TRPM1: variants seen among roughly 807,000 people sequenced by gnomAD.
TRPM1 encodes the protein TRPM1-203 APA Isoform, Intron 10.
TRPM1 carries 113 observed loss-of-function variants against 149.4 expected under a neutral mutation model. The ratio of observed to expected loss-of-function variants is 0.76; its 90% CI spans 0.65 to 0.88. TRPM1 has a LOEUF of 0.88. Ranked by LOEUF, TRPM1 falls within the 40% of genes least tolerant of loss-of-function variation. The pLI is 0.00. For missense variants in TRPM1, 1,976 were observed against 2,038.7 expected, an observed-to-expected ratio of 0.97 and a Z score of 0.59; for synonymous variants, 741 against 759.5, an observed-to-expected ratio of 0.98 and a Z score of 0.40.
chr15:31,106,382 C>T (rs531478765), upstream of TRPM1, among the ~76,000 whole-genome samples: 217 of 152,138 alleles, frequency 1.4e-3, 1 homozygote, highest in African/African-American at 5.0e-3. Context: ...GTGATCCACC[C>T]GCCTCGGCTG....
chr15:31,051,874 G>C (rs532954924), intron 11 of TRPM1, among the ~76,000 whole-genome samples: 2 of 152,260 alleles, frequency 1.3e-5, no homozygotes, highest in East Asian at 1.9e-4. Flanking sequence ...TCCTCTTCCA[G>C]GGTCCCTTAT....
chr15:31,066,251 A>T lies in TRPM1; in HGVS notation c.619-4T>A. The T allele has an allele frequency of 6.2e-7, 1 of 1,614,194 alleles. No individual in the cohort carries two copies. Among genetic ancestry groups the T allele is most frequent in the East Asian group, 2.2e-5 (1 of 44,888 alleles). Reference sequence around the variant, plus strand: ...TGGTCTGGTACACTCTTGTTACCTGACAAAGTGCACAGCGCAAATCAGACC... The same window carrying T: ...TGGTCTGGTACACTCTTGTTACCTGTCAAAGTGCACAGCGCAAATCAGACC... On this transcript the variant is annotated splice_region_variant and splice_polypyrimidine_tract_variant and intron_variant, in intron 6 of 27. Transcript: ENST00000256552.
intron 27 of TRPM1, 67 bp downstream of exon 27, chr15:31,026,066 TCCCCCA>T: frequency 1.9e-6 from 3 of 1,578,036 alleles, no homozygotes; most frequent in Non-Finnish European, 2.6e-6. Flanking sequence ...AACTCTGGCA[TCCCCCA>T]TAGAGTGGGG....
At chr15:31,064,431 C>G (rs1454815485) in intron 7 of TRPM1, among the ~76,000 whole-genome samples, 3 of 152,102 alleles carry the variant, frequency 2.0e-5, no homozygotes, top group Non-Finnish European at 4.4e-5. Context: ...CTCTGGGAAG[C>G]AAGAGGTGGC....
intron 27 of TRPM1, among the ~76,000 whole-genome samples, chr15:31,021,969 G>A (rs769923379): frequency 6.6e-6 from 1 of 152,006 alleles, no homozygotes; most frequent in Non-Finnish European, 1.5e-5. Context: ...AAGAGGCAAC[G>A]TACCCCACAT....
chr15:31,015,137 GT>G (rs1177991231), intron 27 of TRPM1, among the ~76,000 whole-genome samples: 1 of 121,580 alleles, frequency 8.2e-6, no homozygotes, highest in Non-Finnish European at 1.7e-5. Context: ...GCTGGGCACG[GT>G]GGCTCACGCC....
chr15:31,032,503 T>C (rs1175895590), intron 22 of TRPM1, among the ~76,000 whole-genome samples, 186 bp downstream of exon 22: 5 of 152,190 alleles, frequency 3.3e-5, no homozygotes, highest in Admixed American at 2.0e-4. Flanking sequence ...TGTTTTTCTA[T>C]TGGATTTTAT....
In TRPM1 at chr15:31,107,802, T is replaced by C. The variant is rs1437848325; in HGVS notation, c.55-30818A>G. Among the ~76,000 whole-genome samples the C allele has an allele frequency of 3.3e-5, 5 of 152,100 alleles. 1 individual carries two copies. The highest frequency in any genetic ancestry group is 7.4e-5 in the Non-Finnish European group (5 of 68,014). On this transcript the variant is annotated intron_variant, in intron 1 of 26. Transcript: ENST00000542188. Reference sequence around the variant, plus strand: ...CTTGTGACTTTTTTAGCCCACTGGTTACTTAGAAGTATGTAATTTAATGTC... The same window carrying C: ...CTTGTGACTTTTTTAGCCCACTGGTCACTTAGAAGTATGTAATTTAATGTC...
chr15:31,116,845 A>C (rs2035804364), intron 1 of TRPM1, among the ~76,000 whole-genome samples: 1 of 152,310 alleles, frequency 6.6e-6, no homozygotes, highest in South Asian at 2.1e-4. Flanking sequence ...CCCTGGCCAG[A>C]TAAACATAAA....
intron 1 of TRPM1, among the ~76,000 whole-genome samples, chr15:31,097,311 A>G (rs746045001): frequency 5.3e-4 from 77 of 146,562 alleles, no homozygotes; most frequent in Non-Finnish European, 9.5e-4. Flanking sequence ...GCATTTAGGA[A>G]CTATGGAGGG....
At chr15:31,099,844 CA>C (rs891508460) in intron 1 of TRPM1, among the ~76,000 whole-genome samples, 37 of 152,190 alleles carry the variant, frequency 2.4e-4, no homozygotes, top group African/African-American at 8.2e-4. Flanking sequence ...CTGGATAGTT[CA>C]AAACAATGGT....
rs377547216 is a variant in TRPM1, at chr15:31,121,989, G to A, written c.54+38917C>T. 2.6e-5 allele frequency among the ~76,000 whole-genome samples: 4 copies of A among 152,254 alleles called. No individual in the cohort carries two copies. The East Asian group carries it at 5.8e-4, about 22-fold the overall frequency. ...AACAATACATATAGTTATACACCAT[G>A]ACCAAATTAGATTTATCCCAGATAT... is the stretch of plus-strand genomic sequence containing the variant. On this transcript the variant is annotated intron_variant, in intron 1 of 26. Coordinates refer to the TRPM1 transcript ENST00000542188.
intron 2 of TRPM1, among the ~76,000 whole-genome samples, chr15:31,077,624 C>T (rs927760453): frequency 1.3e-5 from 2 of 151,998 alleles, no homozygotes; most frequent in African/African-American, 4.8e-5. Flanking sequence ...GCAGGGGCCT[C>T]GGGGATCCCT....
chr15:31,021,134 G>A (rs1393043581), intron 27 of TRPM1, among the ~76,000 whole-genome samples: 2 of 152,102 alleles, frequency 1.3e-5, no homozygotes, highest in African/African-American at 2.4e-5. Context: ...TGAACCCTAT[G>A]AATTTAGAAG....
At chr15:31,044,310 G>A (rs953609886) in intron 16 of TRPM1, among the ~76,000 whole-genome samples, 8 of 151,980 alleles carry the variant, frequency 5.3e-5, no homozygotes, top group African/African-American at 1.5e-4. Context: ...GAGTTAGCAC[G>A]AACAATGCAA....
At chr15:31,080,185 T>A (rs141481039) in intron 2 of TRPM1, among the ~76,000 whole-genome samples, 71 of 152,360 alleles carry the variant, frequency 4.7e-4, no homozygotes, top group African/African-American at 1.6e-3. Context: ...AATCACCATT[T>A]GGCAACCATC....
chr15:31,135,167 C>T (rs1343321139), intron 1 of TRPM1, among the ~76,000 whole-genome samples: 2 of 152,076 alleles, frequency 1.3e-5, no homozygotes, highest in African/African-American at 4.8e-5. Flanking sequence ...TTTTCCTTCC[C>T]TATGATGCCA....
intron 1 of TRPM1, among the ~76,000 whole-genome samples, chr15:31,127,042 A>G (rs563009365): frequency 6.6e-6 from 1 of 152,346 alleles, no homozygotes; most frequent in East Asian, 1.9e-4. Flanking sequence ...AAGTTAATGG[A>G]AAGGGTGCTA....
chr15:31,069,961 TG>T, intron 4 of TRPM1, 69 bp downstream of exon 4: 2 of 1,613,734 alleles, frequency 1.2e-6, no homozygotes. Context: ...ATCTGCAGTT[TG>T]GGGCTGGGAG....
Sources: allele counts gnomAD v4.1 joint callset (sites outside exome capture counted in the v4.1 genomes callset), GRCh38; gene constraint gnomAD v4.1.1; transcripts MANE v1.5; gene names NCBI Gene and HGNC (gene_info 2026-07-23, HGNC 2026-07-21).